HSD17B12: variants seen among roughly 807,000 people sequenced by gnomAD.
HSD17B12 encodes very-long-chain 3-oxoacyl-CoA reductase.
HSD17B12 carries 32 observed loss-of-function variants against 39.3 expected under a neutral mutation model. The observed-to-expected ratio is 0.81, with a 90% CI of 0.61 to 1.09. The LOEUF is 1.09. Ranked by LOEUF, HSD17B12 falls within the 50% of genes least tolerant of loss-of-function variation. The pLI is 0.00. For synonymous variants in HSD17B12, 150 were observed against 146.7 expected, an observed-to-expected ratio of 1.02 and a Z score of -0.16; for missense variants, 342 against 382.9, an observed-to-expected ratio of 0.89 and a Z score of 0.89.
At chr11:43,824,592 C>T (rs977089827) in intron 6 of HSD17B12, among the ~76,000 whole-genome samples, 1 of 152,126 alleles carries the variant, frequency 6.6e-6, no homozygotes, top group African/African-American at 2.4e-5. Context: ...TTTATAAGGG[C>T]ACCAATACCA....
chr11:43,725,549 A>T (rs1950213314), intron 1 of HSD17B12, among the ~76,000 whole-genome samples: 1 of 152,224 alleles, frequency 6.6e-6, no homozygotes, highest in South Asian at 2.1e-4. Flanking sequence ...CAAGTCTGAC[A>T]TAGGCCAGAT....
intron 6 of HSD17B12, among the ~76,000 whole-genome samples, chr11:43,821,659 A>G (rs6485467): frequency 0.36 from 54,467 of 151,868 alleles, 10,497 homozygotes; most frequent in East Asian, 0.69. Flanking sequence ...ATTGATTGCT[A>G]TTAGAGAAAT....
chr11:43,599,754 T>C, the HSD17B12 span, among the ~76,000 whole-genome samples: 6 of 152,228 alleles, frequency 3.9e-5, no homozygotes, highest in Admixed American at 2.0e-4. Flanking sequence ...GATAGATGGA[T>C]ATAGACACTC....
At chr11:43,597,172 A>G in the HSD17B12 span, among the ~76,000 whole-genome samples, 1 of 152,314 alleles carries the variant, frequency 6.6e-6, no homozygotes, top group Non-Finnish European at 1.5e-5. Context: ...CACTGAAAGG[A>G]AGGAATGCTT....
chr11:43,656,789 TTTACATTTGCTGAGGAGTGC>T, the HSD17B12 span, among the ~76,000 whole-genome samples: 1 of 152,336 alleles, frequency 6.6e-6, no homozygotes, highest in South Asian at 2.1e-4. Context: ...TTTCTGTTCT[TTTACATTTGCTGAGGAGTGC>T]TTTACTTCCA....
intron 3 of HSD17B12, among the ~76,000 whole-genome samples, chr11:43,794,440 A>C (rs1950897925): frequency 6.6e-6 from 1 of 152,238 alleles, no homozygotes; most frequent in African/African-American, 2.4e-5. Context: ...ATAAGCAATA[A>C]GTTTTTAAAA....
chr11:43,733,731 G>A (rs2134894443), intron 1 of HSD17B12: 1 of 588,132 alleles, frequency 1.7e-6, no homozygotes, highest in Non-Finnish European at 3.2e-6. Flanking sequence ...AGTGGAAGAA[G>A]GTGTGAGAGG....
chr11:43,853,497 G>A (rs1450593999), intron 9 of HSD17B12: 1 of 152,138 alleles, frequency 6.6e-6, no homozygotes. Flanking sequence ...TTTAATGGAA[G>A]TGTCATTGGG....
intron 3 of HSD17B12, 105 bp from the exon 4 acceptor site, chr11:43,798,215 G>C: frequency 3.0e-6 from 2 of 669,054 alleles, no homozygotes; most frequent in Non-Finnish European, 5.3e-6. Flanking sequence ...ATCAAATTGG[G>C]TGGGGAGAAA....
At chr11:43,710,631 C>T (rs1379817563) in intron 1 of HSD17B12, among the ~76,000 whole-genome samples, 2 of 152,010 alleles carry the variant, frequency 1.3e-5, no homozygotes, top group Non-Finnish European at 2.9e-5. Flanking sequence ...CTATAACTGA[C>T]TCTAGAGGGT....
the HSD17B12 span, among the ~76,000 whole-genome samples, chr11:43,619,164 G>GATATATAT: frequency 3.2e-5 from 2 of 61,948 alleles, no homozygotes; most frequent in Non-Finnish European, 7.1e-5. Context: ...GTATATATAT[G>GATATATAT]ATATATATAT....
the HSD17B12 span, among the ~76,000 whole-genome samples, chr11:43,616,432 A>AAC: frequency 8.0e-5 from 12 of 150,942 alleles, no homozygotes; most frequent in Non-Finnish European, 1.2e-4. Context: ...AAACAAAAAA[A>AAC]AAACAAACAA....
intron 1 of HSD17B12, among the ~76,000 whole-genome samples, chr11:43,682,544 C>CAAAAA (rs55938101): frequency 1.7e-5 from 2 of 118,444 alleles, no homozygotes; most frequent in Non-Finnish European, 1.7e-5. Flanking sequence ...AGACTCATCT[C>CAAAAA]AAAAAAAAAA....
chr11:43,707,732 A>C (rs1950028764), intron 1 of HSD17B12, among the ~76,000 whole-genome samples: 1 of 152,222 alleles, frequency 6.6e-6, no homozygotes, highest in African/African-American at 2.4e-5. Context: ...TGTTTAGGAT[A>C]ATTTTTTTGA....
In HSD17B12 at chr11:43,816,829, G is replaced by A. The variant is rs576258617; in HGVS notation, c.501+438G>A. On this transcript the variant is annotated intron_variant, in intron 6 of 10. Coordinates refer to ENST00000278353, the MANE Select transcript of HSD17B12 (RefSeq NM_016142.3). ...ATCATTCTTATGCCTTTGCATCCTC[G>A]TAGCTTAGTTCCCACTTATAAGTGA... Among the ~76,000 whole-genome samples the A allele has an allele frequency of 1.4e-4, 21 of 151,760 alleles. No homozygotes were observed. The South Asian group carries it at 3.1e-3, about 22-fold the overall frequency.
the HSD17B12 span, among the ~76,000 whole-genome samples, chr11:43,619,249 T>TC: frequency 2.5e-5 from 3 of 118,846 alleles, no homozygotes; most frequent in African/African-American, 3.4e-5. Context: ...ATATAAAATA[T>TC]ATATATATAT....
chr11:43,658,158 G>A, the HSD17B12 span, among the ~76,000 whole-genome samples: 9 of 152,092 alleles, frequency 5.9e-5, no homozygotes, highest in South Asian at 2.1e-4. Flanking sequence ...ATCTTCCACC[G>A]CTGATACCCT....
intron 1 of HSD17B12, among the ~76,000 whole-genome samples, chr11:43,743,460 G>C (rs557864787): frequency 1.7e-4 from 26 of 152,232 alleles, no homozygotes; most frequent in Non-Finnish European, 3.2e-4. Flanking sequence ...AGCAAGTTTT[G>C]TCCCTTGGAT....
chr11:43,736,915 C>G (rs746825514), intron 1 of HSD17B12, among the ~76,000 whole-genome samples: 1 of 152,106 alleles, frequency 6.6e-6, no homozygotes, highest in Non-Finnish European at 1.5e-5. Context: ...TTTTTAGCAA[C>G]AAAAGGGAAT....
Sources: gnomAD v4.1 joint callset for allele counts (sites outside exome capture counted in the v4.1 genomes callset) on GRCh38, gnomAD v4.1.1 for gene constraint, MANE v1.5 for transcripts, NCBI Gene and HGNC (gene_info 2026-07-23, HGNC 2026-07-21) for gene names.